ZNF560: variants seen among roughly 807,000 people sequenced by gnomAD.
ZNF560 encodes zinc finger protein 560.
In ZNF560, 54 loss-of-function variants were observed where a neutral mutation model predicts 81.8. That is an observed-to-expected ratio of 0.66 (90% CI 0.53 to 0.83). The LOEUF is 0.83. ZNF560 is among the 40% of genes least tolerant of loss of function. The pLI, the probability that ZNF560 is intolerant of heterozygous loss-of-function variation, is 0.00. For synonymous variants in ZNF560, 321 were observed against 317.9 expected (o/e 1.01, Z -0.10); for missense variants, 940 against 932.4 (o/e 1.01, Z -0.11).
intron 5 of ZNF560, 124 bp downstream of exon 5, chr19:9,473,055 C>A: frequency 1.2e-6 from 1 of 805,818 alleles, no homozygotes; most frequent in Non-Finnish European, 2.1e-6. Flanking sequence ...CCAAAATAAA[C>A]CTATTTTCTT....
At chr19:9,448,437 T>C in the ZNF560 span, among the ~76,000 whole-genome samples, 2 of 140,770 alleles carry the variant, frequency 1.4e-5, no homozygotes, top group Non-Finnish European at 3.0e-5. Context: ...GGTTTCTCCA[T>C]GTTGGTCAGG....
chr19:9,460,487 GT>G, the ZNF560 span, among the ~76,000 whole-genome samples: 1 of 152,182 alleles, frequency 6.6e-6, no homozygotes, highest in Non-Finnish European at 1.5e-5. Flanking sequence ...CCCAGTGGAG[GT>G]ATACACTAAT....
chr19:9,458,353 G>A, the ZNF560 span, among the ~76,000 whole-genome samples: 9 of 152,294 alleles, frequency 5.9e-5, no homozygotes, highest in African/African-American at 9.6e-5. Flanking sequence ...GAATGTCTTC[G>A]CAGATGGGTC....
At chr19:9,497,053 T>C (rs990506637) in intron 2 of ZNF560, among the ~76,000 whole-genome samples, 1 of 151,950 alleles carries the variant, frequency 6.6e-6, no homozygotes, top group African/African-American at 2.4e-5. Context: ...TAAGCGGTGG[T>C]TGCAGTGAGC....
intron 2 of ZNF560, among the ~76,000 whole-genome samples, chr19:9,480,024 T>G (rs980838747): frequency 6.6e-6 from 1 of 152,148 alleles, no homozygotes; most frequent in Non-Finnish European, 1.5e-5. Flanking sequence ...AATAAAATAA[T>G]GGGAGACTTT....
the ZNF560 span, among the ~76,000 whole-genome samples, chr19:9,460,962 C>T: frequency 6.6e-6 from 1 of 152,086 alleles, no homozygotes; most frequent in Admixed American, 6.5e-5. Flanking sequence ...CTGAATAAAA[C>T]GATCAGATGG....
chr19:9,462,542 TCTTTATTCCTCTAGTG>T (rs2072949546), downstream of ZNF560, among the ~76,000 whole-genome samples: 1 of 152,196 alleles, frequency 6.6e-6, no homozygotes, highest in South Asian at 2.1e-4. Flanking sequence ...TCTGTCTATG[TCTTTATTCCTCTAGTG>T]CTGCTGGATT....
At chr19:9,472,018 G>A (rs1039162249) in intron 5 of ZNF560, among the ~76,000 whole-genome samples, 2 of 152,144 alleles carry the variant, frequency 1.3e-5, no homozygotes, top group African/African-American at 2.4e-5. Context: ...GCTGAGGCAG[G>A]AGAATGGCAT....
At chr19:9,448,010 G>T in the ZNF560 span, among the ~76,000 whole-genome samples, 1 of 152,146 alleles carries the variant, frequency 6.6e-6, no homozygotes, top group Non-Finnish European at 1.5e-5. Context: ...GCTAATAGCA[G>T]ACTCCTCAGG....
intron 8 of ZNF560, among the ~76,000 whole-genome samples, chr19:9,469,400 TG>T (rs1482615645): frequency 2.0e-5 from 3 of 152,136 alleles, no homozygotes; most frequent in Non-Finnish European, 4.4e-5. Flanking sequence ...TCGGAAAAAT[TG>T]GAACAAAAGC....
At chr19:9,464,430 A>T (rs1050064814), downstream of ZNF560, among the ~76,000 whole-genome samples, 4 of 152,160 alleles carry the variant, frequency 2.6e-5, no homozygotes, top group African/African-American at 9.7e-5. Flanking sequence ...TCTCCAGGTG[A>T]AGGGTTATGG....
At chr19:9,451,685 A>G in the ZNF560 span, among the ~76,000 whole-genome samples, 87,713 of 151,988 alleles carry the variant, frequency 0.58, 26,096 homozygotes, top group African/African-American at 0.71. Flanking sequence ...ACAACCTACA[A>G]AAGAAAATAT....
At chr19:9,471,524 CA>C in intron 5 of ZNF560, 146 bp from the exon 6 acceptor site, 3 of 549,318 alleles carry the variant, frequency 5.5e-6, no homozygotes, top group African/African-American at 2.0e-5. Flanking sequence ...TAGACTGTGT[CA>C]AAAAATTGGC....
At position 9,467,175 on chromosome 19, in the gene ZNF560, A is replaced by G. The variant is rs994782801; in HGVS notation, c.1772T>C (p.Leu591Ser). 3 of 1,613,950 alleles carry G rather than the reference A, an allele frequency of 1.9e-6. No individual in the cohort carries two copies. In the African/African-American group the frequency reaches 4.0e-5, roughly 22 times the overall value. ...FTERSYLTKH[L>S]RRHSGEKPYE... Reference sequence around the variant, plus strand: ...TGGCTTCTCTCCACTGTGTCTTCGTAAATGTTTAGTAAGGTATGAGCGCTC... The same window carrying G: ...TGGCTTCTCTCCACTGTGTCTTCGTGAATGTTTAGTAAGGTATGAGCGCTC... Residue 591 changes from leucine (L) to serine (S), a missense_variant, in exon 10 of 10, where the codon TTA (leucine) becomes TCA (serine). Transcript: ENST00000301480.
At chr19:9,486,467 C>T (rs112144308) in intron 2 of ZNF560, among the ~76,000 whole-genome samples, 51 of 152,264 alleles carry the variant, frequency 3.3e-4, no homozygotes, top group African/African-American at 1.1e-3. Flanking sequence ...AGGCTGGGCA[C>T]GGTGGCTTAC....
At chr19:9,502,514 G>A (rs977910116), upstream of ZNF560, among the ~76,000 whole-genome samples, 2 of 152,034 alleles carry the variant, frequency 1.3e-5, no homozygotes, top group African/African-American at 4.8e-5. Context: ...CCGGCCTCCT[G>A]TTCTACTTTT....
At chr19:9,479,538 A>G (rs1345849600) in intron 2 of ZNF560, among the ~76,000 whole-genome samples, 8 of 152,198 alleles carry the variant, frequency 5.3e-5, no homozygotes, top group Admixed American at 5.2e-4. Context: ...CTACCAATCA[A>G]TAAGATAGAA....
chr19:9,455,463 G>T, the ZNF560 span, among the ~76,000 whole-genome samples: 2 of 152,192 alleles, frequency 1.3e-5, no homozygotes. Context: ...AGAGTTGGTG[G>T]CTGGGCTGCA....
chr19:9,455,975 G>A, the ZNF560 span, among the ~76,000 whole-genome samples: 1 of 152,158 alleles, frequency 6.6e-6, no homozygotes, highest in Non-Finnish European at 1.5e-5. Flanking sequence ...GAAAACTGCT[G>A]AACCAGGTCT....
Sources: allele counts gnomAD v4.1 joint callset (sites outside exome capture counted in the v4.1 genomes callset), GRCh38; gene constraint gnomAD v4.1.1; transcripts MANE v1.5; gene names NCBI Gene and HGNC (gene_info 2026-07-23, HGNC 2026-07-21).